Variants in JAM2 observed in about 807,000 individuals in gnomAD.
JAM2 encodes the protein junctional adhesion molecule 2.
Under a neutral mutation model 42.0 loss-of-function variants are expected in JAM2, and 17 were observed. The observed-to-expected ratio is 0.40, with a 90% CI of 0.28 to 0.61. The LOEUF (loss-of-function observed/expected upper bound fraction) is 0.61, where lower values mean the gene tolerates loss of function less well. Ranked by LOEUF, JAM2 falls within the 20% of genes least tolerant of loss-of-function variation. The pLI is 0.37. For missense variants in JAM2, 319 were observed against 358.3 expected (o/e 0.89, Z 0.89); for synonymous variants, 118 against 128.6 (o/e 0.92, Z 0.56).
rs141619438 is a variant in JAM2, at chr21:25,696,342, A to C, written c.395-2335A>C. ...CAGTGAGCCGAGATGGCAGCAGTAC[A>C]GTCCAGCTTCCGCTCGGCATCAGAG... On this transcript the variant is annotated intron_variant, in intron 4 of 9. Transcript: ENST00000480456. Among the ~76,000 whole-genome samples, 543 of 152,292 alleles carry C rather than the reference A, an allele frequency of 3.6e-3. 14 individuals carry two copies. The East Asian group carries it at 0.068, about 19-fold the overall frequency.
Position 25,717,303 on chromosome 21 carries a change from T to G in JAM2, c.*2631T>G, listed in dbSNP as rs1256705656. The G allele has an allele frequency of 6.0e-6, 1 of 167,142 alleles. No individual in the cohort carries two copies. The highest frequency in any genetic ancestry group is 2.4e-5 in the African/African-American group (1 of 41,862). 10.4% of individuals were successfully genotyped at this position (167,142 alleles called of 1,614,324 possible). ...ACTTGAACACTAACAACTGGTAAAATCCCATTGTAATTCTTACAGCATTTT... is the reference window on the plus strand; with the variant it reads ...ACTTGAACACTAACAACTGGTAAAAGCCCATTGTAATTCTTACAGCATTTT... On this transcript the variant is annotated 3_prime_UTR_variant, in exon 10 of 10. Transcript: ENST00000480456.
chr21:25,704,514 T>C (rs750682721), intron 6 of JAM2, among the ~76,000 whole-genome samples: 27 of 152,186 alleles, frequency 1.8e-4, no homozygotes, highest in Non-Finnish European at 3.5e-4. Context: ...ATTTCCAAAA[T>C]GTACATTGCT....
intron 1 of JAM2, among the ~76,000 whole-genome samples, chr21:25,662,866 C>T (rs962244589): frequency 7.2e-5 from 11 of 152,136 alleles, no homozygotes; most frequent in Admixed American, 6.5e-4. Flanking sequence ...GATGTAGACA[C>T]AATCTTGTAT....
intron 1 of JAM2, among the ~76,000 whole-genome samples, chr21:25,669,054 G>A (rs2033291930): frequency 6.6e-6 from 1 of 152,108 alleles, no homozygotes; most frequent in South Asian, 2.1e-4. Context: ...CTTTTCCACT[G>A]TAATGAAATA....
intron 1 of JAM2, among the ~76,000 whole-genome samples, chr21:25,663,714 C>G (rs1189287967): frequency 6.6e-6 from 1 of 152,192 alleles, no homozygotes; most frequent in Non-Finnish European, 1.5e-5. Flanking sequence ...GAGTCCCCAC[C>G]AGCAAGAAGA....
At chr21:25,706,806 T>G (rs975269231) in intron 7 of JAM2, among the ~76,000 whole-genome samples, 3 of 152,068 alleles carry the variant, frequency 2.0e-5, no homozygotes, top group Non-Finnish European at 4.4e-5. Flanking sequence ...GTAGCGCAAT[T>G]TCGGCTCACT....
chr21:25,678,718 T>TCC (rs2033557894), intron 1 of JAM2, among the ~76,000 whole-genome samples: 2 of 152,222 alleles, frequency 1.3e-5, no homozygotes, highest in African/African-American at 2.4e-5. Context: ...TTGAATATGT[T>TCC]TGCCATTTAG....
chr21:25,644,716 TTC>T, intron 1 of JAM2, among the ~76,000 whole-genome samples: 1 of 152,210 alleles, frequency 6.6e-6, no homozygotes, highest in Non-Finnish European at 1.5e-5. Flanking sequence ...GGGGCTATTA[TTC>T]TGTTTCTCAC....
chr21:25,658,994 C>T (rs1168630943), intron 1 of JAM2, among the ~76,000 whole-genome samples: 2 of 152,172 alleles, frequency 1.3e-5, no homozygotes, highest in African/African-American at 2.4e-5. Flanking sequence ...TTTTCAGTGT[C>T]CCTGTCTCTC....
chr21:25,669,221 A>C (rs955455331), intron 1 of JAM2, among the ~76,000 whole-genome samples: 6 of 151,952 alleles, frequency 3.9e-5, no homozygotes, highest in African/African-American at 1.5e-4. Context: ...AAAAATAGAA[A>C]AATTAGCCAG....
In JAM2 at chr21:25,715,373, G is replaced by A. The variant is rs539308622; in HGVS notation, c.*701G>A. The A allele has an allele frequency of 6.6e-6, 1 of 152,296 alleles. No individual in the cohort carries two copies. Among genetic ancestry groups the A allele is most frequent in the East Asian group, 1.9e-4 (1 of 5,186 alleles). 9.4% of individuals were successfully genotyped at this position (152,296 alleles called of 1,614,324 possible). On this transcript the variant is annotated 3_prime_UTR_variant, in exon 10 of 10. Coordinates refer to ENST00000480456, the MANE Select transcript of JAM2 (RefSeq NM_021219.4). ...AGATGGTCAAACACAAACCCAAGTGGCTTATTTCACCCCTACTGCTGCTTG... is the reference window on the plus strand; with the variant it reads ...AGATGGTCAAACACAAACCCAAGTGACTTATTTCACCCCTACTGCTGCTTG...
chr21:25,641,045 GC>G (rs1431090532), intron 1 of JAM2, among the ~76,000 whole-genome samples: 1 of 152,126 alleles, frequency 6.6e-6, no homozygotes, highest in East Asian at 1.9e-4. Context: ...ATTGTCTCAG[GC>G]AAGGGACATG....
At chr21:25,683,668 GA>G (rs1274742333) in intron 1 of JAM2, among the ~76,000 whole-genome samples, 3 of 152,106 alleles carry the variant, frequency 2.0e-5, no homozygotes, top group African/African-American at 7.2e-5. Context: ...TTCTACTTTG[GA>G]AAATGCTTAA....
chr21:25,693,727 C>T, intron 3 of JAM2, 29 bp from the exon 4 acceptor site: 5 of 1,587,470 alleles, frequency 3.1e-6, no homozygotes, highest in Non-Finnish European at 4.3e-6. Flanking sequence ...TGGATTATTA[C>T]TAACATCAAT....
intron 1 of JAM2, among the ~76,000 whole-genome samples, chr21:25,679,854 C>T (rs756227153): frequency 8.5e-5 from 13 of 152,158 alleles, no homozygotes; most frequent in Non-Finnish European, 1.5e-4. Context: ...GCGGGGATCA[C>T]GGTGTGGGCC....
chr21:25,702,854 T>G (rs1345217100), intron 6 of JAM2, among the ~76,000 whole-genome samples: 1 of 152,182 alleles, frequency 6.6e-6, no homozygotes, highest in African/African-American at 2.4e-5. Context: ...TTGTTTTGTT[T>G]TTGTTTTTGC....
chr21:25,657,085 A>G (rs1170720788), intron 1 of JAM2, among the ~76,000 whole-genome samples: 2 of 152,182 alleles, frequency 1.3e-5, no homozygotes, highest in Admixed American at 6.6e-5. Context: ...TCAGAGAACA[A>G]TGGACTTAGA....
intron 1 of JAM2, among the ~76,000 whole-genome samples, chr21:25,659,809 A>G (rs2033031044): frequency 6.6e-6 from 1 of 152,236 alleles, no homozygotes; most frequent in African/African-American, 2.4e-5. Flanking sequence ...GACTTAAAAC[A>G]ATAATTATCC....
intron 1 of JAM2, among the ~76,000 whole-genome samples, chr21:25,655,909 T>A (rs1199208070): frequency 7.4e-6 from 1 of 135,540 alleles, no homozygotes; most frequent in African/African-American, 3.2e-5. Context: ...TATTTCCCAC[T>A]AATAGTTTTT....
Sources: allele counts gnomAD v4.1 joint callset (sites outside exome capture counted in the v4.1 genomes callset), GRCh38; gene constraint gnomAD v4.1.1; transcripts MANE v1.5; gene names NCBI Gene and HGNC (gene_info 2026-07-23, HGNC 2026-07-21).